ZNF433: variants seen among roughly 807,000 people sequenced by gnomAD.
ZNF433 encodes zinc finger protein 433.
ZNF433 carries 12 observed loss-of-function variants against 10.6 expected under a neutral mutation model. That is an observed-to-expected ratio of 1.13 (90% CI 0.72 to 1.83). ZNF433 has a LOEUF of 1.83. ZNF433 is among the 40% of genes most tolerant of loss of function. The probability of loss-of-function intolerance (pLI) is 0.00; values close to 1 mark genes in which losing one functional copy is unlikely to be tolerated. For missense variants in ZNF433, 737 were observed against 798.0 expected (o/e 0.92, Z 0.92); for synonymous variants, 272 against 271.3 (o/e 1.00, Z -0.02).
chr19:12,026,657 A>G (rs1301334005), intron 1 of ZNF433: 2 of 452,460 alleles, frequency 4.4e-6, no homozygotes, highest in East Asian at 6.9e-5. Context: ...TCAAAAAACT[A>G]TTTGTAAACA....
At chr19:12,034,782 T>TA (rs1375743154) in intron 1 of ZNF433, 1 of 453,908 alleles carries the variant, frequency 2.2e-6, no homozygotes, top group South Asian at 1.6e-5. Context: ...CTGCACCTTC[T>TA]AACCCCCCTT....
chr19:12,018,990 C>T (rs1054917874), intron 1 of ZNF433, among the ~76,000 whole-genome samples: 1 of 139,636 alleles, frequency 7.2e-6, no homozygotes, highest in Non-Finnish European at 1.5e-5. Context: ...GCAGAGGCTG[C>T]AGTGAGCCAA....
chr19:12,031,324 A>G (rs982307016), intron 1 of ZNF433, among the ~76,000 whole-genome samples: 2 of 149,558 alleles, frequency 1.3e-5, no homozygotes, highest in African/African-American at 5.0e-5. Flanking sequence ...AACAAAAAAA[A>G]AAACAAAGCA....
In ZNF433 at chr19:12,018,174, G is replaced by A. The variant is rs1974308995; in HGVS notation, c.122C>T (p.Ala41Val). 6.3e-7 allele frequency: 1 copy of A among 1,596,640 alleles called. No individual in the cohort carries two copies. Residue 41 changes from alanine to valine, a missense_variant, in exon 2 of 4, where the codon GCC becomes GTC. Transcript: ENST00000550507. ...DVMQETFRNL[A>V]SIGKKWKPQN... ...AATGTTGTCACCCTTACCTATAGAG[G>A]CCAGGTTCCTGAAGGTTTCTTGCAT...
In ZNF433 at chr19:12,035,669, C is replaced by G. The variant is rs1430284786; in HGVS notation, c.-130G>C. On this transcript the variant is annotated 5_prime_UTR_variant, in exon 1 of 4. Transcript: ENST00000550507. ...CCAACCTCAGCTCGCCGCCTGGAGC[C>G]GGGAACCGAGGAGAGCAGGGCCTTC... The G allele has an allele frequency of 6.0e-6, 8 of 1,336,366 alleles. No individual in the cohort carries two copies. Among genetic ancestry groups the G allele is most frequent in the African/African-American group, 4.5e-5 (3 of 66,306 alleles). The allele number at this position is 1,336,366 out of a possible 1,614,324, so 82.8% of individuals were successfully genotyped here.
chr19:12,025,758 C>T (rs189845623), intron 1 of ZNF433: 1 of 152,312 alleles, frequency 6.6e-6, no homozygotes, highest in Admixed American at 6.5e-5. Context: ...TAAACGTCAC[C>T]TTTTGCAGTG....
chr19:12,018,831 C>T (rs866283092), intron 1 of ZNF433, among the ~76,000 whole-genome samples: 1 of 151,738 alleles, frequency 6.6e-6, no homozygotes. Flanking sequence ...ATGAGCTCTA[C>T]ACTCATGAGC....
intron 1 of ZNF433, chr19:12,027,778 C>T (rs972473493): frequency 6.6e-6 from 1 of 152,374 alleles, no homozygotes; most frequent in Admixed American, 6.5e-5. Flanking sequence ...TCTAGCACCA[C>T]TGGGTTAGGG....
chr19:12,020,080 T>C (rs1974409963), intron 1 of ZNF433, among the ~76,000 whole-genome samples: 1 of 152,168 alleles, frequency 6.6e-6, no homozygotes, highest in African/African-American at 2.4e-5. Context: ...AGGACCAGCC[T>C]GGCCAAAATG....
At chr19:12,017,811 TA>T in intron 3 of ZNF433, 64 bp downstream of exon 3, 1 of 977,606 alleles carries the variant, frequency 1.0e-6, no homozygotes, top group Non-Finnish European at 1.5e-6. Context: ...TTTTTTTTTT[TA>T]ACATTTTCTC....
intron 1 of ZNF433, among the ~76,000 whole-genome samples, chr19:12,020,882 C>T (rs142014881): frequency 9.9e-4 from 147 of 147,878 alleles, no homozygotes; most frequent in African/African-American, 2.2e-3. Context: ...CCAGCCTGGG[C>T]GACAGAGCGA....
At chr19:12,020,759 A>C (rs1029021227) in intron 1 of ZNF433, among the ~76,000 whole-genome samples, 1 of 151,878 alleles carries the variant, frequency 6.6e-6, no homozygotes, top group Non-Finnish European at 1.5e-5. Context: ...TCTACTAAAA[A>C]CACAAAAATT....
At chr19:12,034,788 C>T (rs980354149) in intron 1 of ZNF433, 1 of 453,856 alleles carries the variant, frequency 2.2e-6, no homozygotes, top group South Asian at 1.6e-5. Flanking sequence ...CTTCTAACCC[C>T]CCTTCCACAG....
intron 1 of ZNF433, chr19:12,022,280 C>A (rs1453036309): frequency 3.8e-6 from 1 of 261,800 alleles, no homozygotes; most frequent in Non-Finnish European, 8.1e-6. Flanking sequence ...TTTGTTTCAG[C>A]CCATCCCTTT....
Position 12,035,602 on chromosome 19 carries a change from G to A in ZNF433, c.-63C>T. The A allele has an allele frequency of 6.4e-7, 1 of 1,551,214 alleles. No homozygotes were observed. Among genetic ancestry groups the A allele is most frequent in the Non-Finnish European group, 8.7e-7 (1 of 1,147,358 alleles). On this transcript the variant is annotated 5_prime_UTR_variant, in exon 1 of 4. Coordinates refer to ENST00000550507, the MANE Select transcript of ZNF433 (RefSeq NM_001308348.2). ...TCACAGCACAGGCGACAGAAGCTAT[G>A]GCAGAGGCACCTGAACCCTCTCGGA...
At chr19:12,030,553 G>C (rs146178365) in intron 1 of ZNF433, among the ~76,000 whole-genome samples, 1 of 152,266 alleles carries the variant, frequency 6.6e-6, no homozygotes, top group East Asian at 1.9e-4. Context: ...CGGTTTATGG[G>C]AATTTGATAT....
chr19:12,015,172 C>G lies in ZNF433; in HGVS notation c.1686G>C (p.Lys562Asn). 1 of 1,613,780 alleles carries G rather than the reference C, an allele frequency of 6.2e-7. No individual in the cohort carries two copies. Among genetic ancestry groups the G allele is most frequent in the African/African-American group, 1.3e-5 (1 of 74,934 alleles). ...THTGEKPYECKQCGKAFGSAS... is the reference protein window; with the variant it reads ...THTGEKPYECNQCGKAFGSAS... ...CAGATCCAAAGGCTTTCCCACACTG[C>G]TTACATTCATAAGGTTTCTCTCCAG... The change falls in exon 4 of 4, where the codon AAG becomes AAC. Residue 562 changes from lysine to asparagine, a missense_variant. Lys to Asn is a moderately conservative substitution (Grantham distance 94). Coordinates refer to ENST00000550507, the MANE Select transcript of ZNF433 (RefSeq NM_001308348.2).
chr19:12,015,125 C>T lies in ZNF433; in HGVS notation c.1733G>A (p.Gly578Glu). The change falls in exon 4 of 4, where the codon GGA (glycine) becomes GAA (glutamate). Residue 578 changes from glycine to glutamate, a missense_variant. Gly to Glu is a moderately conservative substitution (Grantham distance 98). Transcript: ENST00000550507. ...GGGTTTCTCTCCAGTGTGAGTCCTT[C>T]CATGCATTTGAAGGTGTGAGGCAGA... ...FGSASHLQMH[G>E]RTHTGEKPYE... is the part of the protein sequence containing the mutation. The T allele has an allele frequency of 6.2e-7, 1 of 1,613,754 alleles. No homozygotes were observed. Among genetic ancestry groups the T allele is most frequent in the Non-Finnish European group, 8.5e-7 (1 of 1,179,882 alleles).
Position 12,016,025 on chromosome 19 carries a change from G to A in ZNF433, c.833C>T (p.Pro278Leu). 1 of 1,614,022 alleles carries A rather than the reference G, an allele frequency of 6.2e-7. No homozygotes were observed. The highest frequency in any genetic ancestry group is 8.5e-7 in the Non-Finnish European group (1 of 1,179,930). Residue 278 changes from proline to leucine, a missense_variant, in exon 4 of 4, where the codon CCA becomes CTA. Transcript: ENST00000550507. Reference protein sequence around the residue: ...AHKRTHTGEKPYECKQCGKAF... With the variant: ...AHKRTHTGEKLYECKQCGKAF... ...TTTCCCACACTGTTTACATTCATAT[G>A]GCTTCTCCCCAGTGTGAGTTCTTTT...
Sources: allele counts gnomAD v4.1 joint callset (sites outside exome capture counted in the v4.1 genomes callset), GRCh38; gene constraint gnomAD v4.1.1; transcripts MANE v1.5; gene names NCBI Gene and HGNC (gene_info 2026-07-23, HGNC 2026-07-21).